The following EIF2S3B variants were observed in gnomAD, a reference collection of about 807,000 sequenced individuals.
The protein encoded by EIF2S3B is eukaryotic translation initiation factor 2 subunit gamma B, also known as eukaryotic translation initiation factor 2 subunit 3B.
In EIF2S3B, 16 loss-of-function variants were observed where a neutral mutation model predicts 26.4. The observed-to-expected ratio is 0.61, with a 90% CI of 0.41 to 0.92. The LOEUF (loss-of-function observed/expected upper bound fraction) is 0.92, where lower values mean the gene tolerates loss of function less well. EIF2S3B is among the 40% of genes least tolerant of loss of function. EIF2S3B has a pLI of 0.00. For missense variants in EIF2S3B, 510 were observed against 575.5 expected, an observed-to-expected ratio of 0.89 and a Z score of 1.16; for synonymous variants, 183 against 204.4, an observed-to-expected ratio of 0.90 and a Z score of 0.89.
At chr12:10,512,343 CA>C (rs1012708573), downstream of EIF2S3B, among the ~76,000 whole-genome samples, 3 of 151,928 alleles carry the variant, frequency 2.0e-5, no homozygotes, top group Non-Finnish European at 1.5e-5. Flanking sequence ...GGCCAGCTGG[CA>C]AAAAAATCAC....
intron 1 of EIF2S3B, among the ~76,000 whole-genome samples, chr12:10,514,754 G>A (rs1591635341): frequency 1.3e-5 from 2 of 151,964 alleles, no homozygotes; most frequent in African/African-American, 2.4e-5. Flanking sequence ...GCAATTCTAC[G>A]TTGTAAATAT....
chr12:10,522,540 G>T, intron 1 of EIF2S3B: 2 of 619,352 alleles, frequency 3.2e-6, no homozygotes, highest in Non-Finnish European at 2.9e-6. Flanking sequence ...TACCTAAATA[G>T]ATTTGAGTTA....
At chr12:10,511,284 A>G (rs1187683004), downstream of EIF2S3B, among the ~76,000 whole-genome samples, 1 of 152,070 alleles carries the variant, frequency 6.6e-6, no homozygotes, top group Non-Finnish European at 1.5e-5. Flanking sequence ...AATATCATGA[A>G]TGGGTTTAAT....
chr12:10,511,914 AC>A (rs1864708755), downstream of EIF2S3B, among the ~76,000 whole-genome samples: 1 of 152,226 alleles, frequency 6.6e-6, no homozygotes, highest in Admixed American at 6.5e-5. Context: ...GAGATTTCCT[AC>A]ACAAAGAGTT....
intron 1 of EIF2S3B, among the ~76,000 whole-genome samples, chr12:10,514,801 T>C (rs934123531): frequency 2.0e-5 from 3 of 152,166 alleles, no homozygotes; most frequent in Admixed American, 6.6e-5. Context: ...TTGCTTTTTT[T>C]CATGATGCCA....
chr12:10,516,053 G>A (rs73070541), intron 1 of EIF2S3B, among the ~76,000 whole-genome samples: 21,692 of 150,954 alleles, frequency 0.14, 1,597 homozygotes, highest in Middle Eastern at 0.17. Flanking sequence ...AATTTCACTG[G>A]TAAGTAAAGT....
chr12:10,522,945 A>C, exon 2 of EIF2S3B: 1 of 263,834 alleles, frequency 3.8e-6, no homozygotes, highest in Non-Finnish European at 7.3e-6. Context: ...ACACAAACAA[A>C]TAAAATTATA....
chr12:10,522,487 A>C, intron 1 of EIF2S3B: 2 of 535,236 alleles, frequency 3.7e-6, no homozygotes, highest in South Asian at 6.2e-5. Flanking sequence ...CAATTAATGG[A>C]GCTGGGAGAA....
Position 10,505,928 on chromosome 12 carries a change from C to G in EIF2S3B, c.26C>G (p.Thr9Ser), listed in dbSNP as rs1167485161. The G allele has an allele frequency of 6.2e-7, 1 of 1,600,586 alleles. No homozygotes were observed. The highest frequency in any genetic ancestry group is 1.7e-4 in the Middle Eastern group (1 of 5,998). ...ATGGCGGGCGGAGAAGCTGGGGTGA[C>G]TCTGGGGCAGCCGCACCTTTCGCGT... is the stretch of plus-strand genomic sequence containing the variant. Reference protein sequence around the residue: MAGGEAGVTLGQPHLSRQD... With the variant: MAGGEAGVSLGQPHLSRQD... The change falls in exon 1 of 1, where the codon ACT becomes AGT. Residue 9 changes from threonine (T) to serine (S), a missense_variant. By Grantham distance (58) the Thr-to-Ser change is moderately conservative. Coordinates refer to ENST00000538173, the MANE Select transcript of EIF2S3B (RefSeq NM_001357734.3).
downstream of EIF2S3B, among the ~76,000 whole-genome samples, chr12:10,512,475 T>A (rs1864714251): frequency 6.6e-6 from 1 of 152,166 alleles, no homozygotes; most frequent in Non-Finnish European, 1.5e-5. Context: ...AACAGATATT[T>A]CTATTATTTA....
intron 1 of EIF2S3B, among the ~76,000 whole-genome samples, chr12:10,514,248 AT>A (rs61248226): frequency 0.11 from 17,035 of 151,000 alleles, 1,183 homozygotes; most frequent in Non-Finnish European, 0.17. Context: ...TCAAAATATC[AT>A]TTTTTTTTGC....
At chr12:10,518,396 T>C (rs1357497608) in intron 1 of EIF2S3B, among the ~76,000 whole-genome samples, 2 of 152,186 alleles carry the variant, frequency 1.3e-5, no homozygotes, top group Non-Finnish European at 2.9e-5. Context: ...GTTTAAAGTC[T>C]GTTTTATCAG....
At chr12:10,508,586 A>C (rs1864672554), downstream of EIF2S3B, among the ~76,000 whole-genome samples, 1 of 151,352 alleles carries the variant, frequency 6.6e-6, no homozygotes. Context: ...CTGATAAAGT[A>C]ATTCAAACTT....
At chr12:10,518,164 C>T (rs1432014832) in intron 1 of EIF2S3B, among the ~76,000 whole-genome samples, 3 of 152,000 alleles carry the variant, frequency 2.0e-5, no homozygotes, top group African/African-American at 4.8e-5. Context: ...CCTGGGTATA[C>T]TTGTTAACTT....
intron 1 of EIF2S3B, among the ~76,000 whole-genome samples, chr12:10,516,458 T>C (rs561193011): frequency 6.6e-6 from 1 of 151,316 alleles, no homozygotes; most frequent in South Asian, 2.1e-4. Context: ...TGAATATTTA[T>C]TGTAGAGTTT....
Position 10,506,121 on chromosome 12 carries a change from A to G in EIF2S3B, c.219A>G (p.Leu73=), listed in dbSNP as rs189377417. ...GVHTVRFKNE[L]ERNITIKLGY... is the part of the protein sequence containing the mutation. ...ACACCGTCAGGTTCAAAAATGAACT[A>G]GAAAGAAATATTACAATCAAGCTTG... is the stretch of plus-strand genomic sequence containing the variant. Residue 73 remains leucine, a synonymous_variant, in exon 1 of 1, where the codon CTA becomes CTG. Transcript: ENST00000538173. 753 of 1,585,966 alleles carry G rather than the reference A, an allele frequency of 4.7e-4. 3 individuals are homozygous for G. The highest frequency in any genetic ancestry group is 1.6e-3 in the Admixed American group (94 of 60,012).
chr12:10,514,230 T>C (rs1864732798), intron 1 of EIF2S3B, among the ~76,000 whole-genome samples: 1 of 136,362 alleles, frequency 7.3e-6, no homozygotes, highest in South Asian at 2.7e-4. Context: ...TCCCTCCTAC[T>C]TGTCTCATCA....
chr12:10,513,831 A>G (rs1436530925), intron 1 of EIF2S3B, among the ~76,000 whole-genome samples: 1 of 152,186 alleles, frequency 6.6e-6, no homozygotes, highest in Non-Finnish European at 1.5e-5. Context: ...CCTGACCAAC[A>G]TGGTGAAACC....
rs1591633480 is a variant in EIF2S3B at position 10,508,291 on chromosome 12, C to T, written c.*970C>T. ...GGGAAACTAGAGTCAGAAGTTATCTCCCTCTCCCTGTGATGCCTTGAGATG... is the reference window on the plus strand; with the variant it reads ...GGGAAACTAGAGTCAGAAGTTATCTTCCTCTCCCTGTGATGCCTTGAGATG... On this transcript the variant is annotated 3_prime_UTR_variant, in exon 1 of 1. Transcript: ENST00000538173. 1.3e-5 allele frequency among the ~76,000 whole-genome samples: 2 copies of T among 152,186 alleles called. No individual in the cohort carries two copies. The highest frequency in any genetic ancestry group is 4.8e-5 in the African/African-American group (2 of 41,526).
Sources: gnomAD v4.1 joint callset for allele counts (sites outside exome capture counted in the v4.1 genomes callset) on GRCh38, gnomAD v4.1.1 for gene constraint, MANE v1.5 for transcripts, NCBI Gene and HGNC (gene_info 2026-07-23, HGNC 2026-07-21) for gene names.